The following GABPA variants were observed in gnomAD, a reference collection of about 807,000 sequenced individuals.
The protein encoded by GABPA is GA binding protein transcription factor subunit alpha.
In GABPA, 4 loss-of-function variants were observed where a neutral mutation model predicts 59.4. That is an observed-to-expected ratio of 0.07 (90% CI 0.03 to 0.15). The LOEUF is 0.15. Among genes scored for constraint, GABPA ranks in the 10% least tolerant of loss-of-function variants. The pLI is 1.00. For synonymous variants in GABPA, 164 were observed against 183.1 expected (o/e 0.90, Z 0.84); for missense variants, 251 against 543.8 (o/e 0.46, Z 5.36).
intron 2 of GABPA, among the ~76,000 whole-genome samples, chr21:25,742,375 A>AG (rs1461262537): frequency 6.0e-3 from 1 of 168 alleles, no homozygotes; most frequent in African/African-American, 0.019. Context: ...AAAGTACTAG[A>AG]GATCTCTGTG....
chr21:25,764,843 A>T, intron 9 of GABPA, 56 bp downstream of exon 9: 1 of 1,312,156 alleles, frequency 7.6e-7, no homozygotes, highest in Non-Finnish European at 1.0e-6. Flanking sequence ...TCTAAAAAAT[A>T]GTTTCTTATT....
chr21:25,754,683 G>A (rs971994450), intron 5 of GABPA, among the ~76,000 whole-genome samples: 2 of 151,810 alleles, frequency 1.3e-5, no homozygotes, highest in African/African-American at 4.8e-5. Flanking sequence ...TGTTTTTCTT[G>A]TGGTTTTTGT....
intron 1 of GABPA, among the ~76,000 whole-genome samples, chr21:25,736,455 C>T (rs560423064): frequency 1.3e-5 from 2 of 152,260 alleles, no homozygotes; most frequent in South Asian, 2.1e-4. Flanking sequence ...GCTTGAGGGA[C>T]TAGCCTGTCT....
chr21:25,769,727 G>A lies in GABPA; in HGVS notation c.*495G>A, dbSNP rs1462352169. ...TCATCTAATCAAGCAGAGCTAAAAT[G>A]TTCATACCGAATAAATTTATATTAA... On this transcript the variant is annotated 3_prime_UTR_variant, in exon 10 of 10. Coordinates refer to ENST00000400075, the MANE Select transcript of GABPA (RefSeq NM_002040.4). 3 of 152,814 alleles carry A rather than the reference G, an allele frequency of 2.0e-5. No homozygotes were observed. The highest frequency in any genetic ancestry group is 7.2e-5 in the African/African-American group (3 of 41,410). The allele number at this position is 152,814 out of a possible 1,614,324, so 9.5% of individuals were successfully genotyped here.
rs1407191702 is a variant in GABPA, at chr21:25,772,446, A to G, written c.*3214A>G. The G allele has an allele frequency of 6.6e-6, 1 of 152,188 alleles. No individual in the cohort carries two copies. The highest frequency in any genetic ancestry group is 1.5e-5 in the Non-Finnish European group (1 of 67,992). The allele number at this position is 152,188 out of a possible 1,614,324, so 9.4% of individuals were successfully genotyped here. On this transcript the variant is annotated 3_prime_UTR_variant, in exon 10 of 10. Transcript: ENST00000400075. Reference sequence around the variant, plus strand: ...AAAAATAGTAAAATGAGAAAAATAAAACTATTATACAGTATGTTTCTGTGT... The same window carrying G: ...AAAAATAGTAAAATGAGAAAAATAAGACTATTATACAGTATGTTTCTGTGT...
intron 1 of GABPA, among the ~76,000 whole-genome samples, chr21:25,738,339 G>T (rs8130953): frequency 0.12 from 17,570 of 152,092 alleles, 1,480 homozygotes; most frequent in African/African-American, 0.24. Flanking sequence ...TTGGTTTCCC[G>T]TTATGTGAAT....
chr21:25,735,309 T>G lies in GABPA; in HGVS notation c.-296T>G, dbSNP rs770108261. On this transcript the variant is annotated 5_prime_UTR_variant, in exon 1 of 10. Transcript: ENST00000400075. ...AAGCGGATTGGGGCGTTGTGCTTCC[T>G]TGTACCTCGTGAGCCTCCGTTGCCT... 9.0e-5 allele frequency: 28 copies of G among 309,644 alleles called. No homozygotes were observed. Among genetic ancestry groups the G allele is most frequent in the Non-Finnish European group, 1.5e-4 (24 of 163,236 alleles). 19.2% of individuals were successfully genotyped at this position (309,644 alleles called of 1,614,324 possible).
rs71651661 is a variant in GABPA at position 25,768,786 on chromosome 21, G to A, written c.1137-218G>A. On this transcript the variant is annotated intron_variant, in intron 9 of 9. Transcript: ENST00000400075. ...TGAAAATATGTTTTGAAAGTTTAATGTATAGAGTTTTGGAGTAGTGAGCAT... is the reference window on the plus strand; with the variant it reads ...TGAAAATATGTTTTGAAAGTTTAATATATAGAGTTTTGGAGTAGTGAGCAT... Among the ~76,000 whole-genome samples, 1,322 of 152,178 alleles carry A rather than the reference G, an allele frequency of 8.7e-3. 22 individuals carry two copies. Among genetic ancestry groups the A allele is most frequent in the African/African-American group, 0.03 (1,263 of 41,528 alleles).
intron 5 of GABPA, among the ~76,000 whole-genome samples, chr21:25,756,526 G>A (rs1163188115): frequency 6.6e-6 from 1 of 152,172 alleles, no homozygotes; most frequent in African/African-American, 2.4e-5. Flanking sequence ...AACACACACT[G>A]CAGCTATTGG....
intron 9 of GABPA, among the ~76,000 whole-genome samples, chr21:25,767,304 C>G (rs1173078385): frequency 1.3e-5 from 2 of 151,702 alleles, no homozygotes; most frequent in African/African-American, 2.4e-5. Context: ...CTGAACTGTT[C>G]ACTTCTGTGT....
intron 9 of GABPA, 90 bp downstream of exon 9, chr21:25,764,877 G>A (rs1601153423): frequency 2.4e-6 from 2 of 848,446 alleles, no homozygotes; most frequent in Admixed American, 3.6e-5. Flanking sequence ...GCATTGTTAT[G>A]TAATGATATT....
intron 1 of GABPA, among the ~76,000 whole-genome samples, chr21:25,740,145 CTG>C (rs1056409460): frequency 6.6e-6 from 1 of 152,218 alleles, no homozygotes; most frequent in Non-Finnish European, 1.5e-5. Context: ...TACACCAAAA[CTG>C]TGACATGGAG....
intron 7 of GABPA, chr21:25,763,358 A>G: frequency 4.2e-6 from 1 of 238,956 alleles, no homozygotes; most frequent in Non-Finnish European, 8.5e-6. Context: ...ACGAACACAC[A>G]CGTCACAAGA....
chr21:25,764,439 G>T, intron 8 of GABPA, 89 bp downstream of exon 8: 2 of 1,432,040 alleles, frequency 1.4e-6, no homozygotes, highest in Non-Finnish European at 1.9e-6. Flanking sequence ...ATGTGAATTT[G>T]GACTATCCCT....
chr21:25,758,701 T>C (rs912634221), intron 6 of GABPA, among the ~76,000 whole-genome samples: 2 of 152,166 alleles, frequency 1.3e-5, no homozygotes, highest in African/African-American at 4.8e-5. Context: ...ATTAATTGAA[T>C]AGAGTCTTAA....
At chr21:25,763,655 C>CT (rs1395089650) in intron 7 of GABPA, among the ~76,000 whole-genome samples, 1 of 152,058 alleles carries the variant, frequency 6.6e-6, no homozygotes, top group African/African-American at 2.4e-5. Context: ...TATTTTATAA[C>CT]TTTTTTATCA....
At chr21:25,750,594 G>C (rs2035485911) in intron 4 of GABPA, among the ~76,000 whole-genome samples, 1 of 152,180 alleles carries the variant, frequency 6.6e-6, no homozygotes. Context: ...TTGGTAGGTT[G>C]AATTTTAGCT....
chr21:25,762,082 A>T (rs1441816697), intron 6 of GABPA, among the ~76,000 whole-genome samples: 1 of 152,168 alleles, frequency 6.6e-6, no homozygotes, highest in East Asian at 1.9e-4. Context: ...CTGAACACTA[A>T]AAGACATTGG....
chr21:25,752,355 C>T (rs529125650), intron 5 of GABPA, 121 bp downstream of exon 5: 875 of 1,014,432 alleles, frequency 8.6e-4, no homozygotes, highest in Non-Finnish European at 1.2e-3. Context: ...TGTTGATTTT[C>T]TGTATCTCTC....
Sources: allele counts gnomAD v4.1 joint callset (sites outside exome capture counted in the v4.1 genomes callset), GRCh38; gene constraint gnomAD v4.1.1; transcripts MANE v1.5; gene names NCBI Gene and HGNC (gene_info 2026-07-23, HGNC 2026-07-21).